The following FBXO15 variants were observed in gnomAD, a reference collection of about 807,000 sequenced individuals.
The protein encoded by FBXO15 is F-box protein 15.
Under a neutral mutation model 49.5 loss-of-function variants are expected in FBXO15, and 30 were observed. That is an observed-to-expected ratio of 0.61 (90% CI 0.45 to 0.82). The LOEUF is 0.82. FBXO15 is among the 40% of genes least tolerant of loss of function. The pLI is 0.00. For missense variants in FBXO15, 591 were observed against 631.5 expected (o/e 0.94, Z 0.69); for synonymous variants, 250 against 232.7 (o/e 1.07, Z -0.68).
intron 2 of FBXO15, 97 bp downstream of exon 2, chr18:74,140,105 C>T (rs760094454): frequency 1.1e-4 from 109 of 1,004,236 alleles, no homozygotes; most frequent in Middle Eastern, 2.1e-4. Flanking sequence ...TCTTAGCAAG[C>T]TCAAAATAGC....
At position 74,124,469 on chromosome 18, in the gene FBXO15, A is replaced by C. The variant is rs1264584803; in HGVS notation, c.995+20T>G. ...TATTTACTGTACAAAAATTCAACACACCCACATATAAATACATACATAGTA... is the reference window on the plus strand; with the variant it reads ...TATTTACTGTACAAAAATTCAACACCCCCACATATAAATACATACATAGTA... On this transcript the variant is annotated intron_variant, in intron 7 of 9. Coordinates refer to ENST00000419743, the MANE Select transcript of FBXO15 (RefSeq NM_001142958.2). 1 of 1,598,124 alleles carries C rather than the reference A, an allele frequency of 6.3e-7. No individual in the cohort carries two copies. Among genetic ancestry groups the C allele is most frequent in the Non-Finnish European group, 8.6e-7 (1 of 1,167,114 alleles).
chr18:74,076,540 G>A (rs1452866049), intron 9 of FBXO15: 1 of 152,196 alleles, frequency 6.6e-6, no homozygotes, highest in Non-Finnish European at 1.5e-5. Context: ...ACTGTAAGAA[G>A]TAAGTTTCTA....
At chr18:74,096,330 G>A (rs1225159108) in intron 8 of FBXO15, among the ~76,000 whole-genome samples, 1 of 152,068 alleles carries the variant, frequency 6.6e-6, no homozygotes, top group African/African-American at 2.4e-5. Context: ...GTGTTCCACT[G>A]GTTCCTGGGC....
chr18:74,120,757 A>T (rs1034678293), intron 8 of FBXO15, among the ~76,000 whole-genome samples: 1 of 152,178 alleles, frequency 6.6e-6, no homozygotes, highest in Non-Finnish European at 1.5e-5. Context: ...TTCTCCCTTT[A>T]GAAACTAGAA....
chr18:74,099,083 C>T (rs1266747076), intron 8 of FBXO15: 1 of 152,130 alleles, frequency 6.6e-6, no homozygotes, highest in African/African-American at 2.4e-5. Context: ...CAAGATTACG[C>T]CACTGCACTC....
At chr18:74,128,904 T>C (rs978727312) in intron 5 of FBXO15, among the ~76,000 whole-genome samples, 1 of 152,212 alleles carries the variant, frequency 6.6e-6, no homozygotes, top group African/African-American at 2.4e-5. Context: ...CTAAATACTA[T>C]GCCAGTATAA....
rs1484504677 is a variant in FBXO15, at chr18:74,107,122, TA to T, written c.1138+16245del. ...TCAAATCGCATATCAAAAAGATAAT[TA>T]TTTTTTGTTTTATTTCACTTTTAAT... On this transcript the variant is annotated intron_variant, in intron 8 of 9. Coordinates refer to ENST00000419743, the MANE Select transcript of FBXO15 (RefSeq NM_001142958.2). 7.9e-5 allele frequency among the ~76,000 whole-genome samples: 12 copies of T among 152,118 alleles called. 1 individual carries two copies. Among genetic ancestry groups the T allele is most frequent in the African/African-American group, 2.9e-4 (12 of 41,558 alleles).
intron 8 of FBXO15, among the ~76,000 whole-genome samples, chr18:74,095,781 T>C (rs1215998279): frequency 6.6e-6 from 1 of 152,198 alleles, no homozygotes; most frequent in Non-Finnish European, 1.5e-5. Context: ...ACTTTGAAGC[T>C]GTAAAAACTA....
At chr18:74,117,927 G>T (rs1914302121) in intron 8 of FBXO15, among the ~76,000 whole-genome samples, 1 of 151,962 alleles carries the variant, frequency 6.6e-6, no homozygotes, top group South Asian at 2.1e-4. Flanking sequence ...CACCTAACAG[G>T]TCCTAACTCC....
intron 4 of FBXO15, 45 bp downstream of exon 4, chr18:74,130,371 A>G: frequency 1.2e-6 from 2 of 1,609,980 alleles, no homozygotes; most frequent in Non-Finnish European, 1.7e-6. Flanking sequence ...CGTACACGAT[A>G]CTTTGAGCTG....
chr18:74,131,274 T>G (rs1301944324), intron 3 of FBXO15, among the ~76,000 whole-genome samples: 1 of 152,194 alleles, frequency 6.6e-6, no homozygotes, highest in East Asian at 1.9e-4. Context: ...ACATGACTCA[T>G]TTATTCCTCA....
intron 8 of FBXO15, among the ~76,000 whole-genome samples, chr18:74,089,520 C>T (rs1413882443): frequency 6.6e-6 from 1 of 152,150 alleles, no homozygotes; most frequent in Admixed American, 6.5e-5. Flanking sequence ...AAGGGGAATG[C>T]TTCCAGTTTT....
chr18:74,126,100 G>T lies in FBXO15; in HGVS notation c.787C>A (p.Leu263Ile). Residue 263 changes from leucine to isoleucine, a missense_variant and splice_region_variant, in exon 6 of 10, where the codon CTC (leucine) becomes ATC (isoleucine). By Grantham distance (5) the Leu-to-Ile change is conservative. Transcript: ENST00000419743. Reference protein sequence around the residue: ...DWYKTPTKHRLRWHSLIAKYN... With the variant: ...DWYKTPTKHRIRWHSLIAKYN... ...TTTGCAATTAAAGAATGCCATCGGAGTCTTTGAACGTTATGCCAAGGAAAG... is the reference window on the plus strand; with the variant it reads ...TTTGCAATTAAAGAATGCCATCGGATTCTTTGAACGTTATGCCAAGGAAAG... 1 of 1,613,546 alleles carries T rather than the reference G, an allele frequency of 6.2e-7. No individual in the cohort carries two copies. Among genetic ancestry groups the T allele is most frequent in the Non-Finnish European group, 8.5e-7 (1 of 1,179,644 alleles).
chr18:74,094,385 T>C (rs1913188702), intron 8 of FBXO15, among the ~76,000 whole-genome samples: 2 of 152,286 alleles, frequency 1.3e-5, no homozygotes, highest in South Asian at 4.2e-4. Context: ...CCATATGATG[T>C]GCCTACTCCC....
At chr18:74,093,006 G>A (rs954773065) in intron 8 of FBXO15, among the ~76,000 whole-genome samples, 12 of 152,164 alleles carry the variant, frequency 7.9e-5, no homozygotes, top group African/African-American at 2.9e-4. Context: ...TTGGCACAGG[G>A]GCAGGGTGCT....
chr18:74,131,062 T>G (rs1386367013), intron 3 of FBXO15, among the ~76,000 whole-genome samples: 18 of 152,228 alleles, frequency 1.2e-4, no homozygotes, highest in Non-Finnish European at 2.9e-5. Context: ...AAAGGATGTA[T>G]GTACACACAC....
intron 8 of FBXO15, among the ~76,000 whole-genome samples, chr18:74,096,176 A>G (rs1913265676): frequency 6.6e-6 from 1 of 152,174 alleles, no homozygotes; most frequent in Admixed American, 6.5e-5. Context: ...AGCGTGCCTG[A>G]GAGAGAAATA....
chr18:74,076,025 C>T (rs1912242693), intron 9 of FBXO15, among the ~76,000 whole-genome samples: 1 of 152,128 alleles, frequency 6.6e-6, no homozygotes, highest in Non-Finnish European at 1.5e-5. Flanking sequence ...AGGACTATGC[C>T]CAAACTCAGG....
At chr18:74,133,583 T>C (rs1323217897) in intron 3 of FBXO15, among the ~76,000 whole-genome samples, 1 of 152,200 alleles carries the variant, frequency 6.6e-6, no homozygotes, top group Non-Finnish European at 1.5e-5. Context: ...ATCATTGTCA[T>C]AGTCTCTTTG....
Sources: allele counts gnomAD v4.1 joint callset (sites outside exome capture counted in the v4.1 genomes callset), GRCh38; gene constraint gnomAD v4.1.1; transcripts MANE v1.5; gene names NCBI Gene and HGNC (gene_info 2026-07-23, HGNC 2026-07-21).